The following ARPC3 variants were observed in gnomAD, a reference collection of about 807,000 sequenced individuals.
ARPC3 encodes actin-related protein 2/3 complex subunit 3.
ARPC3 carries 12 observed loss-of-function variants against 27.6 expected under a neutral mutation model. The ratio of observed to expected loss-of-function variants is 0.43; its 90% CI spans 0.28 to 0.70. ARPC3 has a LOEUF of 0.70. ARPC3 is among the 30% of genes least tolerant of loss of function. ARPC3 has a pLI of 0.17. For synonymous variants in ARPC3, 53 were observed against 67.2 expected (o/e 0.79, Z 1.03); for missense variants, 153 against 207.7 (o/e 0.74, Z 1.62).
chr12:110,438,469 C>T (rs1566295000), intron 3 of ARPC3, among the ~76,000 whole-genome samples: 2 of 143,596 alleles, frequency 1.4e-5, no homozygotes, highest in Non-Finnish European at 1.5e-5. Flanking sequence ...CGTGGTGGCG[C>T]GTGCCTGTAA....
At chr12:110,438,593 G>A (rs2062418305) in intron 3 of ARPC3, among the ~76,000 whole-genome samples, 1 of 150,420 alleles carries the variant, frequency 6.6e-6, no homozygotes, top group Admixed American at 6.6e-5. Flanking sequence ...GCGGGACTCT[G>A]TCTCAAAACA....
At chr12:110,449,968 G>T (rs993984367) in intron 1 of ARPC3, among the ~76,000 whole-genome samples, 1 of 151,874 alleles carries the variant, frequency 6.6e-6, no homozygotes, top group Non-Finnish European at 1.5e-5. Flanking sequence ...TCTCTAGTGA[G>T]GCTTTGGGAA....
rs145886124 is a variant in ARPC3, at chr12:110,450,167, C to T, written c.6+88G>A. 5.8e-4 allele frequency: 907 copies of T among 1,573,092 alleles called. 2 individuals are homozygous for T. In the African/African-American group the frequency reaches 8.6e-3, roughly 15 times the overall value. On this transcript the variant is annotated intron_variant, in intron 1 of 6. Transcript: ENST00000228825. The stretch of plus-strand genomic sequence containing the variant: ...GGGCCCCAGCTTCCTCTCTGCCTTC[C>T]GCCGCCCGCTTCTCTCGGCACACAC...
At chr12:110,438,653 T>A (rs34903295) in intron 3 of ARPC3, among the ~76,000 whole-genome samples, 27,721 of 144,122 alleles carry the variant, frequency 0.19, 2,926 homozygotes, top group African/African-American at 0.3. Flanking sequence ...TCCTATATAT[T>A]TTTTTTTTTT....
chr12:110,444,801 T>C (rs2062455395), intron 2 of ARPC3: 1 of 152,494 alleles, frequency 6.6e-6, no homozygotes, highest in South Asian at 2.1e-4. Flanking sequence ...TTGGTAATTA[T>C]AATAATGGTC....
chr12:110,450,203 T>C (rs892541056), intron 1 of ARPC3, 52 bp downstream of exon 1: 2 of 1,612,730 alleles, frequency 1.2e-6, no homozygotes, highest in Non-Finnish European at 1.7e-6. Context: ...ACGGTTTCTC[T>C]CTGCTCTTCG....
At chr12:110,436,283 G>A (rs2062403412) in intron 5 of ARPC3, 79 bp from the exon 6 acceptor site, 4 of 1,203,616 alleles carry the variant, frequency 3.3e-6, no homozygotes, top group South Asian at 1.2e-5. Flanking sequence ...GATGCTCACT[G>A]TGGTAATACA....
At chr12:110,441,175 C>T (rs565781123) in intron 2 of ARPC3, among the ~76,000 whole-genome samples, 14 of 148,430 alleles carry the variant, frequency 9.4e-5, no homozygotes, top group African/African-American at 2.7e-4. Context: ...AGTCTTGCTC[C>T]GTCGCCCAGA....
At chr12:110,435,420 C>G (rs1051703726) in intron 6 of ARPC3, among the ~76,000 whole-genome samples, 4 of 151,780 alleles carry the variant, frequency 2.6e-5, no homozygotes, top group Admixed American at 6.6e-5. Context: ...AGCTCCGCCT[C>G]CTGGGTTCAT....
At chr12:110,440,551 TTTG>T in intron 2 of ARPC3, 163 bp from the exon 3 acceptor site, 2 of 626,936 alleles carry the variant, frequency 3.2e-6, no homozygotes, top group Non-Finnish European at 5.8e-6. Flanking sequence ...AAAATATTTA[TTTG>T]TTTTTTTTTT....
intron 3 of ARPC3, among the ~76,000 whole-genome samples, chr12:110,438,800 C>T (rs1183521913): frequency 1.3e-5 from 2 of 150,808 alleles, no homozygotes; most frequent in Non-Finnish European, 1.5e-5. Flanking sequence ...CGCACCACCA[C>T]GCCCAGTTAA....
chr12:110,449,112 C>T (rs1003646603), intron 1 of ARPC3, among the ~76,000 whole-genome samples: 2 of 152,066 alleles, frequency 1.3e-5, no homozygotes, highest in African/African-American at 4.8e-5. Flanking sequence ...CACTACCTGA[C>T]ACTACCGTAT....
intron 3 of ARPC3, chr12:110,437,374 C>CT (rs893332697): frequency 0.048 from 17,409 of 366,132 alleles, no homozygotes; most frequent in South Asian, 0.071. Context: ...TGTGCAGCTG[C>CT]TTTTTTTTTT....
intron 3 of ARPC3, among the ~76,000 whole-genome samples, chr12:110,440,071 T>TA (rs1332373615): frequency 5.3e-5 from 8 of 152,054 alleles, no homozygotes; most frequent in Admixed American, 2.6e-4. Flanking sequence ...GGTTTATTCA[T>TA]AAAAAGGGGC....
chr12:110,435,631 TA>T (rs2062399018), intron 6 of ARPC3, among the ~76,000 whole-genome samples: 1 of 147,282 alleles, frequency 6.8e-6, no homozygotes, highest in African/African-American at 2.5e-5. Context: ...CGCCTGGCCA[TA>T]AACCCTTTTT....
At chr12:110,437,557 G>A (rs952116989) in intron 3 of ARPC3, among the ~76,000 whole-genome samples, 2 of 151,994 alleles carry the variant, frequency 1.3e-5, no homozygotes, top group African/African-American at 2.4e-5. Context: ...TAGTAGAGAC[G>A]GGGTTTCACC....
intron 5 of ARPC3, 173 bp downstream of exon 5, chr12:110,436,384 T>C (rs2062403880): frequency 8.0e-7 from 1 of 1,244,436 alleles, no homozygotes; most frequent in Non-Finnish European, 1.1e-6. Flanking sequence ...ATTTTCTGCA[T>C]GTCATCCTTG....
chr12:110,445,580 GA>G, intron 1 of ARPC3, 29 bp from the exon 2 acceptor site: 4 of 1,519,650 alleles, frequency 2.6e-6, no homozygotes, highest in Non-Finnish European at 3.7e-6. Flanking sequence ...GAAGAACACA[GA>G]AGCAGAAAAA....
intron 3 of ARPC3, 39 bp downstream of exon 3, chr12:110,440,273 G>A (rs374549383): frequency 9.2e-6 from 13 of 1,411,592 alleles, no homozygotes; most frequent in African/African-American, 2.8e-5. Flanking sequence ...TTATCCCTAT[G>A]AGAAAACTAA....
Sources: gnomAD v4.1 joint callset for allele counts (sites outside exome capture counted in the v4.1 genomes callset) on GRCh38, gnomAD v4.1.1 for gene constraint, MANE v1.5 for transcripts, NCBI Gene and HGNC (gene_info 2026-07-23, HGNC 2026-07-21) for gene names.